The following ABCA9 variants were observed in gnomAD, a reference collection of about 807,000 sequenced individuals.
ABCA9 encodes ATP binding cassette subfamily A member 9.
In ABCA9, 183 loss-of-function variants were observed where a neutral mutation model predicts 205.3. The ratio of observed to expected loss-of-function variants is 0.89; its 90% confidence interval spans 0.79 to 1.01. The LOEUF (loss-of-function observed/expected upper bound fraction) is 1.01. Ranked by LOEUF, ABCA9 falls within the 50% of genes least tolerant of loss-of-function variation. The pLI is 0.00. For missense variants in ABCA9, 1,805 were observed against 1,912.4 expected (o/e 0.94, Z 1.05); for synonymous variants, 651 against 683.3 (o/e 0.95, Z 0.74).
chr17:68,985,593 G>A (rs909428718), intron 32 of ABCA9, among the ~76,000 whole-genome samples: 3 of 152,024 alleles, frequency 2.0e-5, no homozygotes, highest in African/African-American at 7.3e-5. Flanking sequence ...CTGCACTCCA[G>A]CCTGATGACA....
In ABCA9 at chr17:69,049,380, A is replaced by G; in HGVS notation, c.207T>C (p.Asp69=). 6.2e-7 allele frequency: 1 copy of G among 1,613,090 alleles called. No individual in the cohort carries two copies. The highest frequency in any genetic ancestry group is 8.5e-7 in the Non-Finnish European group (1 of 1,179,308). ...TAACATAATTAGTATCATTAAAACT[A>G]TCTACACGTCCCAGATCCATTGAAG... ...QMSSMDLGRV[D]SFNDTNYVIA... The change falls in exon 3 of 39, where the codon GAT becomes GAC. Residue 69 remains aspartate, a synonymous_variant. Transcript: ENST00000340001.
intron 27 of ABCA9, chr17:68,992,799 G>C (rs1337843325): frequency 2.4e-6 from 1 of 414,050 alleles, no homozygotes; most frequent in African/African-American, 2.2e-5. Flanking sequence ...GGCAACAAGA[G>C]TGAAACTCTG....
chr17:69,009,371 T>C (rs1357683833), intron 23 of ABCA9, among the ~76,000 whole-genome samples: 2 of 152,112 alleles, frequency 1.3e-5, no homozygotes. Context: ...CAGAAAGCAC[T>C]GTGGGCAGAG....
At chr17:69,066,159 G>A in the ABCA9 span, among the ~76,000 whole-genome samples, 4 of 152,166 alleles carry the variant, frequency 2.6e-5, no homozygotes, top group Non-Finnish European at 5.9e-5. Context: ...TGCCCCCACA[G>A]CACGCTGTGG....
At chr17:68,998,415 C>T (rs1345206258) in intron 25 of ABCA9, among the ~76,000 whole-genome samples, 1 of 152,140 alleles carries the variant, frequency 6.6e-6, no homozygotes, top group Non-Finnish European at 1.5e-5. Flanking sequence ...TGAAAAGTGA[C>T]ACATGGAATT....
intron 3 of ABCA9, among the ~76,000 whole-genome samples, chr17:69,046,686 C>T (rs766247236): frequency 6.6e-6 from 1 of 151,436 alleles, no homozygotes; most frequent in Non-Finnish European, 1.5e-5. Context: ...AAGAACTCAT[C>T]ACAATAGGCT....
intron 23 of ABCA9, 56 bp downstream of exon 23, chr17:69,011,920 G>T (rs2070389083): frequency 3.3e-6 from 4 of 1,210,562 alleles, no homozygotes; most frequent in Non-Finnish European, 4.7e-6. Context: ...AGTCGTAAGG[G>T]TGTGGGAAGG....
upstream of ABCA9, among the ~76,000 whole-genome samples, chr17:69,062,614 G>A (rs1022901191): frequency 2.0e-5 from 3 of 151,996 alleles, no homozygotes; most frequent in African/African-American, 4.8e-5. Flanking sequence ...AGGTTCAAGC[G>A]ATTCTCCTGC....
At chr17:69,065,515 C>G (rs148041425), upstream of ABCA9, among the ~76,000 whole-genome samples, 312 of 152,146 alleles carry the variant, frequency 2.1e-3, 3 homozygotes, top group African/African-American at 6.7e-3. Flanking sequence ...TCCACTCTTC[C>G]CTTGCCTTGT....
chr17:69,027,063 G>T lies in ABCA9; in HGVS notation c.1963C>A (p.Arg655=). The part of the protein sequence containing the change: ...TAGLDPLSRH[R]IWNLLKEGKS... The stretch of plus-strand genomic sequence containing the variant: ...CCCTCTTTCAGGAGATTCCATATTC[G>T]GTGCCTTGAAAGAGGATCCAATCCA... Residue 655 remains arginine, a synonymous_variant, in exon 15 of 39, where the codon CGA becomes AGA. Transcript: ENST00000340001. 2 of 1,613,968 alleles carry T rather than the reference G, an allele frequency of 1.2e-6. No homozygotes were observed. Among genetic ancestry groups the T allele is most frequent in the Non-Finnish European group, 1.7e-6 (2 of 1,179,980 alleles).
intron 37 of ABCA9, 128 bp downstream of exon 37, chr17:68,982,434 C>T: frequency 1.4e-6 from 1 of 714,458 alleles, no homozygotes; most frequent in South Asian, 1.8e-5. Context: ...ACTGGATTAG[C>T]AGTCTTAGTA....
chr17:69,077,879 G>A, the ABCA9 span, among the ~76,000 whole-genome samples: 2 of 151,342 alleles, frequency 1.3e-5, no homozygotes, highest in Non-Finnish European at 2.9e-5. Flanking sequence ...TAAACTGACA[G>A]GTATTTTAAA....
intron 24 of ABCA9, 77 bp downstream of exon 24, chr17:69,007,985 T>C: frequency 1.4e-6 from 2 of 1,475,594 alleles, no homozygotes; most frequent in Non-Finnish European, 1.9e-6. Context: ...TGAAGTTCTT[T>C]GGTTTAAGAT....
chr17:69,027,939 A>T (rs1393897389), intron 12 of ABCA9, 124 bp from the exon 13 acceptor site: 1 of 773,888 alleles, frequency 1.3e-6, no homozygotes, highest in Non-Finnish European at 2.1e-6. Flanking sequence ...ACTTGTAAGG[A>T]ATATGCAATG....
chr17:69,011,960 C>T lies in ABCA9; in HGVS notation c.3147+16G>A. On this transcript the variant is annotated intron_variant, in intron 23 of 38. Transcript: ENST00000340001. ...TCTAGATATAAAAAACATGTGAAGA[C>T]TTTAACTCTTCTTACTTTGTAGTCA... The T allele has an allele frequency of 6.3e-7, 1 of 1,579,422 alleles. No homozygotes were observed. Among genetic ancestry groups the T allele is most frequent in the Non-Finnish European group, 8.7e-7 (1 of 1,155,298 alleles).
rs144608138 is a variant in ABCA9, at chr17:69,004,487, G to A, written c.3435+3272C>T. On this transcript the variant is annotated intron_variant, in intron 25 of 38. Coordinates refer to ENST00000340001, the MANE Select transcript of ABCA9 (RefSeq NM_080283.4). ...TGCCCGTTCTCAGATCTCCAGCTGCGTACTGGGAGAACCACTGCTTTCTTC... is the reference window on the plus strand; with the variant it reads ...TGCCCGTTCTCAGATCTCCAGCTGCATACTGGGAGAACCACTGCTTTCTTC... Among the ~76,000 whole-genome samples, 668 of 152,308 alleles carry A rather than the reference G, an allele frequency of 4.4e-3. 7 individuals are homozygous for A. The highest frequency in any genetic ancestry group is 0.015 in the African/African-American group (639 of 41,564).
At chr17:69,065,959 A>C in the ABCA9 span, among the ~76,000 whole-genome samples, 1 of 152,188 alleles carries the variant, frequency 6.6e-6, no homozygotes, top group South Asian at 2.1e-4. Context: ...CCTGTGAAGA[A>C]GGACATGTTT....
At chr17:68,982,177 C>T (rs922658715) in intron 37 of ABCA9, among the ~76,000 whole-genome samples, 4 of 152,118 alleles carry the variant, frequency 2.6e-5, no homozygotes, top group East Asian at 1.9e-4. Flanking sequence ...GATAATCTAC[C>T]GCTGAATGTA....
At chr17:68,982,768 G>T in intron 36 of ABCA9, 127 bp from the exon 37 acceptor site, 1 of 648,200 alleles carries the variant, frequency 1.5e-6, no homozygotes, top group Non-Finnish European at 2.7e-6. Flanking sequence ...AATTTGGGAG[G>T]CCAAGAAGGG....
Sources: allele counts gnomAD v4.1 joint callset (sites outside exome capture counted in the v4.1 genomes callset), GRCh38; gene constraint gnomAD v4.1.1; transcripts MANE v1.5; gene names NCBI Gene and HGNC (gene_info 2026-07-23, HGNC 2026-07-21).